CNTN2: variants seen among roughly 807,000 people sequenced by gnomAD.
CNTN2 encodes the protein contactin-2.
CNTN2 carries 53 observed loss-of-function variants against 117.5 expected under a neutral mutation model. The observed-to-expected ratio is 0.45, with a 90% CI of 0.36 to 0.57. The LOEUF (loss-of-function observed/expected upper bound fraction) is 0.57. Among genes scored for constraint, CNTN2 ranks in the 20% least tolerant of loss-of-function variants. The pLI, the probability that CNTN2 is intolerant of heterozygous loss-of-function variation, is 0.00. For missense variants in CNTN2, 1,106 were observed against 1,404.3 expected, an observed-to-expected ratio of 0.79 and a Z score of 3.39; for synonymous variants, 530 against 561.7, an observed-to-expected ratio of 0.94 and a Z score of 0.80.
chr1:205,054,752 T>C (rs1464162545), intron 2 of CNTN2, among the ~76,000 whole-genome samples: 1 of 152,094 alleles, frequency 6.6e-6, no homozygotes, highest in African/African-American at 2.4e-5. Flanking sequence ...TTGCCTCAGC[T>C]CTGGGCCTTT....
At position 205,065,824 on chromosome 1, in the gene CNTN2, C is replaced by T. The variant is rs1413875815; in HGVS notation, c.1731C>T (p.Ala577=). Residue 577 remains alanine (A), a synonymous_variant, in exon 14 of 23, where the codon GCC becomes GCT. Transcript: ENST00000331830. The surrounding 1 kb of genome is among the most constrained non-coding windows in gnomAD (Gnocchi z 4.1). The part of the protein sequence containing the change: ...ETIGDLTILN[A]QLRHGGKYTC... ...TTGGGGATCTGACCATCCTGAACGC[C>T]CAGCTGCGCCATGGGGGGAAGTACA... is the stretch of plus-strand genomic sequence containing the variant. 4 of 1,598,688 alleles carry T rather than the reference C, an allele frequency of 2.5e-6. No individual in the cohort carries two copies. The highest frequency in any genetic ancestry group is 3.4e-6 in the Non-Finnish European group (4 of 1,169,640).
chr1:205,044,468 G>T (rs1025447813), intron 1 of CNTN2, among the ~76,000 whole-genome samples: 14 of 151,840 alleles, frequency 9.2e-5, no homozygotes, highest in Admixed American at 3.3e-4. Context: ...TGGGGGGGGG[G>T]GTCCAGTGAG....
At position 205,059,857 on chromosome 1, in the gene CNTN2, G is replaced by A. The variant is rs1359213684; in HGVS notation, c.797+175G>A. ...CTCACTGGACAGTACCTCTCTGGGT[G>A]AGGCATCGCATATGCCAGGGGCCTT... On this transcript the variant is annotated intron_variant, in intron 7 of 22. Coordinates refer to ENST00000331830, the MANE Select transcript of CNTN2 (RefSeq NM_005076.5). The surrounding 1 kb of genome is among the most constrained non-coding windows in gnomAD (Gnocchi z 5.6). 6.6e-6 allele frequency: 4 copies of A among 603,648 alleles called. No individual in the cohort carries two copies. The highest frequency in any genetic ancestry group is 5.9e-6 in the Non-Finnish European group (2 of 337,052). 37.4% of individuals were successfully genotyped at this position (603,648 alleles called of 1,614,324 possible).
chr1:205,069,425 G>T, intron 16 of CNTN2, 66 bp from the exon 17 acceptor site: 1 of 1,539,786 alleles, frequency 6.5e-7, no homozygotes, highest in Non-Finnish European at 8.9e-7. Flanking sequence ...ACAGGCACAG[G>T]CTCAGGGCTT....
Position 205,058,663 on chromosome 1 carries a change from G to A in CNTN2, c.487G>A (p.Gly163Ser). Residue 163 changes from glycine (G) to serine (S), a missense_variant and splice_region_variant, in exon 5 of 23, where the codon GGC (glycine) becomes AGC (serine). Physicochemically the swap from Gly to Ser is moderately conservative, Grantham distance 56 (BLOSUM62 0). Transcript: ENST00000331830. The surrounding 1 kb of genome is among the most constrained non-coding windows in gnomAD (Gnocchi z 4.3). Reference sequence around the variant, plus strand: ...CTGTAACCCACCTGCCCACTACCCAGGTGAGTCCAGACCTGGGGCCAGGGT... The same window carrying A: ...CTGTAACCCACCTGCCCACTACCCAAGTGAGTCCAGACCTGGGGCCAGGGT... ...LPCNPPAHYP[G>S]LSYRWLLNEF... 1 of 1,613,136 alleles carries A rather than the reference G, an allele frequency of 6.2e-7. No individual in the cohort carries two copies. Among genetic ancestry groups the A allele is most frequent in the Non-Finnish European group, 8.5e-7 (1 of 1,179,536 alleles).
intron 1 of CNTN2, among the ~76,000 whole-genome samples, chr1:205,052,007 C>T (rs1341703405): frequency 1.3e-5 from 2 of 152,206 alleles, no homozygotes; most frequent in Non-Finnish European, 2.9e-5. Context: ...ACACTGAGAT[C>T]CAGAGATGGG....
chr1:205,062,629 C>T, intron 10 of CNTN2, 60 bp downstream of exon 10: 1 of 1,559,488 alleles, frequency 6.4e-7, no homozygotes, highest in Non-Finnish European at 8.7e-7. Context: ...GCTTTCAGAG[C>T]TCTGAGTTTA....
Position 205,059,736 on chromosome 1 carries a change from A to C in CNTN2, c.797+54A>C. 24 of 1,475,792 alleles carry C rather than the reference A, an allele frequency of 1.6e-5. No individual in the cohort carries two copies. Among genetic ancestry groups the C allele is most frequent in the Non-Finnish European group, 2.1e-5 (22 of 1,057,612 alleles). 91.4% of individuals were successfully genotyped at this position (1,475,792 alleles called of 1,614,324 possible). On this transcript the variant is annotated intron_variant, in intron 7 of 22. Transcript: ENST00000331830. The surrounding 1 kb of genome is among the most constrained non-coding windows in gnomAD (Gnocchi z 5.6). ...GCACGGTCTCTCGGGGGCACAGGTGACCCCAGGGTGAGGGCAGGCAGAGTC... is the reference window on the plus strand; with the variant it reads ...GCACGGTCTCTCGGGGGCACAGGTGCCCCCAGGGTGAGGGCAGGCAGAGTC...
chr1:205,059,145 C>T lies in CNTN2; in HGVS notation c.549C>T (p.His183=). Residue 183 remains histidine (H), a synonymous_variant, in exon 6 of 23, where the codon CAC becomes CAT. Coordinates refer to ENST00000331830, the MANE Select transcript of CNTN2 (RefSeq NM_005076.5). This position sits in a 1 kb window ranked among gnomAD's most constrained non-coding sequence, Gnocchi z 5.6. ...ACTTCATCCCGACGGACGGGCGTCA[C>T]TTCGTGTCCCAGACCACAGGGAACC... ...FPNFIPTDGR[H]FVSQTTGNLY... 6.2e-7 allele frequency: 1 copy of T among 1,614,230 alleles called. No homozygotes were observed. Among genetic ancestry groups the T allele is most frequent in the Non-Finnish European group, 8.5e-7 (1 of 1,180,040 alleles).
At position 205,066,588 on chromosome 1, in the gene CNTN2, A is replaced by G; in HGVS notation, c.1964A>G (p.Gln655Arg). The change falls in exon 15 of 23, where the codon CAG becomes CGG. Residue 655 changes from glutamine to arginine, a missense_variant. By Grantham distance (43) the Gln-to-Arg change is conservative (BLOSUM62 1). Transcript: ENST00000331830. ...ACTCCACCTGCAGGGAAGTGGAAGCAGGTTCGGACCAGTAAGTGTGAGCCC... is the reference window on the plus strand; with the variant it reads ...ACTCCACCTGCAGGGAAGTGGAAGCGGGTTCGGACCAGTAAGTGTGAGCCC... ...ARTPPAGKWK[Q>R]VRTNPANIEG... 1 of 1,613,968 alleles carries G rather than the reference A, an allele frequency of 6.2e-7. No individual in the cohort carries two copies. The highest frequency in any genetic ancestry group is 8.5e-7 in the Non-Finnish European group (1 of 1,179,982).
Position 205,059,039 on chromosome 1 carries a change from G to T in CNTN2, c.488-45G>T. The T allele has an allele frequency of 6.3e-7, 1 of 1,587,708 alleles. No homozygotes were observed. The highest frequency in any genetic ancestry group is 8.6e-7 in the Non-Finnish European group (1 of 1,157,380). On this transcript the variant is annotated intron_variant, in intron 5 of 22. Coordinates refer to ENST00000331830, the MANE Select transcript of CNTN2 (RefSeq NM_005076.5). The surrounding 1 kb of genome is among the most constrained non-coding windows in gnomAD (Gnocchi z 5.6). ...CTGGGGTCCCACCCAGAGTGGCCCT[G>T]TTAGCCCAGCACCCCCTGGTTTCCT...
At position 205,061,713 on chromosome 1, in the gene CNTN2, C is replaced by G; in HGVS notation, c.974-152C>G. ...CCAGCTTTCTTGTGCCTCCTTCTTC[C>G]GGCCCCCTCCTCTTTGTCCTCTCCA... On this transcript the variant is annotated intron_variant, in intron 8 of 22. Coordinates refer to ENST00000331830, the MANE Select transcript of CNTN2 (RefSeq NM_005076.5). This position sits in a 1 kb window ranked among gnomAD's most constrained non-coding sequence, Gnocchi z 4.8. The G allele has an allele frequency of 9.4e-7, 1 of 1,067,290 alleles. No individual in the cohort carries two copies. Among genetic ancestry groups the G allele is most frequent in the Non-Finnish European group, 1.3e-6 (1 of 749,012 alleles). The allele number at this position is 1,067,290 out of a possible 1,614,324, so 66.1% of individuals were successfully genotyped here.
In CNTN2 at chr1:205,074,152, C is replaced by T. The variant is rs1051749087; in HGVS notation, c.*387C>T. ...CGCCACTTGAGAGCAGTCCTAGGCC[C>T]GGCAGGAACACCAGACATGAACAGG... On this transcript the variant is annotated 3_prime_UTR_variant, in exon 23 of 23. Transcript: ENST00000331830. The T allele has an allele frequency of 8.5e-5, 40 of 471,282 alleles. No homozygotes were observed. The highest frequency in any genetic ancestry group is 5.4e-4 in the Middle Eastern group (1 of 1,842). The allele number at this position is 471,282 out of a possible 1,614,324, so 29.2% of individuals were successfully genotyped here.
chr1:205,067,350 C>T, intron 16 of CNTN2, 100 bp downstream of exon 16: 1 of 1,431,814 alleles, frequency 7.0e-7, no homozygotes, highest in African/African-American at 1.4e-5. Flanking sequence ...TGAGTTCCAA[C>T]CCTGCTCACA....
At chr1:205,051,704 TC>T (rs1232234217) in intron 1 of CNTN2, among the ~76,000 whole-genome samples, 1 of 151,766 alleles carries the variant, frequency 6.6e-6, no homozygotes, top group Non-Finnish European at 1.5e-5. Context: ...CTCCCTTCTC[TC>T]CCCCCAGGCT....
rs3862945 is a variant in CNTN2 at position 205,065,316 on chromosome 1, G to C, written c.1695+54G>C. The C allele has an allele frequency of 1.2e-5, 19 of 1,597,650 alleles. No homozygotes were observed. The African/African-American group carries it at 2.4e-4, about 20-fold the overall frequency. ...TTCTCCCTCCTTCTAGAGAGACAGG[G>C]GCCCCAAGATGTCCTTAGCCATCCT... On this transcript the variant is annotated intron_variant, in intron 13 of 22. Transcript: ENST00000331830. The surrounding 1 kb of genome is among the most constrained non-coding windows in gnomAD (Gnocchi z 4.1).
Position 205,053,164 on chromosome 1 carries a change from C to A in CNTN2, c.-22C>A. 1.2e-6 allele frequency: 2 copies of A among 1,607,028 alleles called. No homozygotes were observed. Among genetic ancestry groups the A allele is most frequent in the South Asian group, 2.2e-5 (2 of 90,280 alleles). The stretch of plus-strand genomic sequence containing the variant: ...GCTGAGGCTCTTCTCCTCCGATCCC[C>A]ACCTCTGCCCGGACATCCACCATGG... On this transcript the variant is annotated 5_prime_UTR_variant, in exon 2 of 23. Transcript: ENST00000331830.
chr1:205,053,113 C>A lies in CNTN2; in HGVS notation c.-73C>A. The A allele has an allele frequency of 8.2e-7, 1 of 1,225,422 alleles. No individual in the cohort carries two copies. Among genetic ancestry groups the A allele is most frequent in the Non-Finnish European group, 1.1e-6 (1 of 879,738 alleles). The allele number at this position is 1,225,422 out of a possible 1,614,324, so 75.9% of individuals were successfully genotyped here. A position where few individuals can be genotyped will look rare whatever the true frequency, so the allele number is the denominator to read the frequency against. On this transcript the variant is annotated 5_prime_UTR_variant, in exon 2 of 23. Coordinates refer to ENST00000331830, the MANE Select transcript of CNTN2 (RefSeq NM_005076.5). ...CTGCCTCCCCAGGTCCTTTCTCAGC[C>A]TCCAGCTGGGCTGTCCCCAAGCTGA...
rs1309574014 is a variant in CNTN2, at chr1:205,075,562, GT to G, written c.*1803del. ...ATAGTTAGAGCTCTATTTTGTTATG[GT>G]TTTTTAAACTTTTAAGTCCTGCTCT... On this transcript the variant is annotated 3_prime_UTR_variant, in exon 23 of 23. Transcript: ENST00000331830. The G allele has an allele frequency of 6.6e-6, 1 of 152,530 alleles. No individual in the cohort carries two copies. Among genetic ancestry groups the G allele is most frequent in the Non-Finnish European group, 1.5e-5 (1 of 68,038 alleles). The allele number at this position is 152,530 out of a possible 1,614,324, so 9.4% of individuals were successfully genotyped here. A position where few individuals can be genotyped will look rare whatever the true frequency, so the allele number is the denominator to read the frequency against.
Sources: allele counts gnomAD v4.1 joint callset (sites outside exome capture counted in the v4.1 genomes callset), GRCh38; gene constraint gnomAD v4.1.1; non-coding constraint Gnocchi (gnomAD v3.1); transcripts MANE v1.5; gene names NCBI Gene and HGNC (gene_info 2026-07-23, HGNC 2026-07-21).